URAD: variants seen among roughly 807,000 people sequenced by gnomAD.
URAD encodes ureidoimidazoline (2-oxo-4-hydroxy-4-carboxy-5-) decarboxylase.
A neutral mutation model predicts 4.6 loss-of-function variants in URAD; 4 were observed. The ratio of observed to expected loss-of-function variants is 0.87; its 90% CI spans 0.43 to 1.98. The LOEUF (loss-of-function observed/expected upper bound fraction) is 1.98, where lower values mean the gene tolerates loss of function less well. URAD is among the 30% of genes most tolerant of loss of function. URAD has a pLI of 0.03. For missense variants in URAD, 300 were observed against 255.3 expected (o/e 1.18, Z -1.19); for synonymous variants, 144 against 118.2 (o/e 1.22, Z -1.41).
chr13:27,984,470 T>C (rs989242290), intron 1 of URAD, among the ~76,000 whole-genome samples: 2 of 152,214 alleles, frequency 1.3e-5, no homozygotes, highest in Non-Finnish European at 2.9e-5. Flanking sequence ...ATAATCATCA[T>C]AGCAGAACCT....
chr13:27,985,508 A>G (rs918999699), intron 1 of URAD, among the ~76,000 whole-genome samples: 2 of 152,186 alleles, frequency 1.3e-5, no homozygotes, highest in African/African-American at 4.8e-5. Context: ...TTCCAAATAT[A>G]CAATAGATTA....
At chr13:27,980,610 C>T (rs549888332) in intron 1 of URAD, among the ~76,000 whole-genome samples, 1 of 152,312 alleles carries the variant, frequency 6.6e-6, no homozygotes, top group Non-Finnish European at 1.5e-5. Context: ...AGGGGACTTC[C>T]CTCCCCACCG....
At chr13:27,987,746 C>T (rs1368474325) in intron 1 of URAD, among the ~76,000 whole-genome samples, 1 of 152,166 alleles carries the variant, frequency 6.6e-6, no homozygotes, top group Non-Finnish European at 1.5e-5. Flanking sequence ...TTTCCTTAGC[C>T]ACCGCATTCT....
At position 27,982,123 on chromosome 13, in the gene URAD, T is replaced by A. The variant is rs142549444; in HGVS notation, c.176-3671A>T. Among the ~76,000 whole-genome samples, 5 of 152,228 alleles carry A rather than the reference T, an allele frequency of 3.3e-5. No individual in the cohort carries two copies. In the East Asian group the frequency reaches 9.7e-4, roughly 29 times the overall value. On this transcript the variant is annotated intron_variant, in intron 1 of 1. Coordinates refer to ENST00000332715, the MANE Select transcript of URAD (RefSeq NM_001105577.2). ...CCAGACCATGTCACCTGGTTGGCCCTCTCTCCTTAAAAAATGACTATAAAC... is the reference window on the plus strand; with the variant it reads ...CCAGACCATGTCACCTGGTTGGCCCACTCTCCTTAAAAAATGACTATAAAC...
chr13:27,978,161 T>G lies in URAD; in HGVS notation c.467A>C (p.Lys156Thr). Residue 156 changes from lysine (K) to threonine (T), a missense_variant, in exon 2 of 2, where the codon AAG becomes ACG. Physicochemically the swap from Lys to Thr is moderately conservative, Grantham distance 78 (BLOSUM62 -1). Transcript: ENST00000332715. ...ELRTALGEVK[K>T]IGSLRLADLL... Reference sequence around the variant, plus strand: ...GTCGGCCAGGCGCAGGCTGCCGATCTTCTTCACCTCGCCCAGAGCAGTGCG... The same window carrying G: ...GTCGGCCAGGCGCAGGCTGCCGATCGTCTTCACCTCGCCCAGAGCAGTGCG... 1 of 1,535,128 alleles carries G rather than the reference T, an allele frequency of 6.5e-7. No homozygotes were observed. Among genetic ancestry groups the G allele is most frequent in the Non-Finnish European group, 8.7e-7 (1 of 1,153,630 alleles).
At chr13:27,980,775 G>C (rs1046997665) in intron 1 of URAD, among the ~76,000 whole-genome samples, 9 of 152,084 alleles carry the variant, frequency 5.9e-5, no homozygotes, top group African/African-American at 2.2e-4. Flanking sequence ...CCAACGTGGC[G>C]TACCCCGAGC....
intron 1 of URAD, among the ~76,000 whole-genome samples, chr13:27,981,377 G>A (rs1869874048): frequency 6.6e-6 from 1 of 152,170 alleles, no homozygotes; most frequent in African/African-American, 2.4e-5. Flanking sequence ...CGCTAGGCAG[G>A]CCAGTCAGAC....
chr13:27,986,573 G>T (rs75710024), intron 1 of URAD, among the ~76,000 whole-genome samples: 1 of 152,088 alleles, frequency 6.6e-6, no homozygotes, highest in Non-Finnish European at 1.5e-5. Flanking sequence ...CCCCCAAAAC[G>T]TGTGTTAAGT....
At chr13:27,982,870 AAAAAATCC>A (rs1295795210) in intron 1 of URAD, among the ~76,000 whole-genome samples, 3 of 152,134 alleles carry the variant, frequency 2.0e-5, no homozygotes, top group African/African-American at 7.2e-5. Context: ...AATCCATTTA[AAAAAATCC>A]TGTTGACTCT....
chr13:27,984,718 C>G (rs1398107133), intron 1 of URAD, among the ~76,000 whole-genome samples: 1 of 152,190 alleles, frequency 6.6e-6, no homozygotes, highest in East Asian at 1.9e-4. Context: ...GTGGCTCACA[C>G]CAGTAATCCC....
chr13:27,986,808 C>A (rs1388209953), intron 1 of URAD, among the ~76,000 whole-genome samples: 2 of 152,154 alleles, frequency 1.3e-5, no homozygotes, highest in East Asian at 3.9e-4. Flanking sequence ...GGCTCCGGGG[C>A]CTCCTGCTCC....
At position 27,978,335 on chromosome 13, in the gene URAD, G is replaced by A. The variant is rs940213034; in HGVS notation, c.293C>T (p.Ala98Val). 2.9e-6 allele frequency: 4 copies of A among 1,394,474 alleles called. No homozygotes were observed. Among genetic ancestry groups the A allele is most frequent in the Admixed American group, 3.5e-5 (1 of 28,578 alleles). The allele number at this position is 1,394,474 out of a possible 1,614,324, so 86.4% of individuals were successfully genotyped here. ...QSGAGLRSLG[A>V]DERLRLAELN... The stretch of plus-strand genomic sequence containing the variant: ...CTCGGCCAGCCGCAGCCGCTCGTCC[G>A]CGCCCAGGCTCCTCAGGCCTGCGCC... Residue 98 changes from alanine (A) to valine (V), a missense_variant, in exon 2 of 2, where the codon GCG becomes GTG. Physicochemically the swap from Ala to Val is moderately conservative, Grantham distance 64 (BLOSUM62 0). Transcript: ENST00000332715.
At position 27,980,413 on chromosome 13, in the gene URAD, C is replaced by T. The variant is rs576213863; in HGVS notation, c.176-1961G>A. On this transcript the variant is annotated intron_variant, in intron 1 of 1. Coordinates refer to ENST00000332715, the MANE Select transcript of URAD (RefSeq NM_001105577.2). The stretch of plus-strand genomic sequence containing the variant: ...CGGGGTTGGTCGTGCCACGCGGCCA[C>T]TTGTCAGGCCTGGGGAACCGAGCTC... 1.9e-3 allele frequency among the ~76,000 whole-genome samples: 288 copies of T among 152,260 alleles called. 1 individual carries two copies. Among genetic ancestry groups the T allele is most frequent in the African/African-American group, 6.6e-3 (276 of 41,562 alleles).
At chr13:27,979,743 A>G (rs1869820854) in intron 1 of URAD, among the ~76,000 whole-genome samples, 1 of 152,066 alleles carries the variant, frequency 6.6e-6, no homozygotes, top group African/African-American at 2.4e-5. Flanking sequence ...TGAAAATTAA[A>G]CCCCCTGTAA....
chr13:27,987,402 C>T (rs1287513052), intron 1 of URAD, among the ~76,000 whole-genome samples: 1 of 152,196 alleles, frequency 6.6e-6, no homozygotes, highest in African/African-American at 2.4e-5. Context: ...AAATCAGTAA[C>T]TTCTTTCCCT....
chr13:27,988,348 T>A (rs1870096510), intron 1 of URAD, 115 bp downstream of exon 1: 3 of 1,056,058 alleles, frequency 2.8e-6, no homozygotes, highest in South Asian at 1.8e-5. Context: ...CATCTCAGCC[T>A]CCCAAAGTGC....
chr13:27,988,237 G>T (rs189726504), intron 1 of URAD, among the ~76,000 whole-genome samples: 1 of 149,900 alleles, frequency 6.7e-6, no homozygotes, highest in African/African-American at 2.4e-5. Flanking sequence ...GATTACAGGC[G>T]TGAGCCACCA....
chr13:27,980,604 G>T (rs1869845925), intron 1 of URAD, among the ~76,000 whole-genome samples: 1 of 152,204 alleles, frequency 6.6e-6, no homozygotes, highest in South Asian at 2.1e-4. Flanking sequence ...CCAGTCAGGG[G>T]ACTTCCCTCC....
chr13:27,980,937 C>A (rs868008797), intron 1 of URAD, among the ~76,000 whole-genome samples: 2 of 151,972 alleles, frequency 1.3e-5, no homozygotes, highest in Non-Finnish European at 2.9e-5. Context: ...CGCAGATAAA[C>A]TAGCAGAGCA....
Sources: gnomAD v4.1 joint callset for allele counts (sites outside exome capture counted in the v4.1 genomes callset) on GRCh38, gnomAD v4.1.1 for gene constraint, MANE v1.5 for transcripts, NCBI Gene and HGNC (gene_info 2026-07-23, HGNC 2026-07-21) for gene names.